MTUS2: variants seen among roughly 807,000 people sequenced by gnomAD.
MTUS2 encodes the protein microtubule-associated tumor suppressor candidate 2.
A neutral mutation model predicts 114.1 loss-of-function variants in MTUS2; 40 were observed. That is an observed-to-expected ratio of 0.35 (90% CI 0.27 to 0.46). MTUS2 has a LOEUF of 0.46. MTUS2 is among the 20% of genes least tolerant of loss of function. The pLI is 1.00. For missense variants in MTUS2, 1,679 were observed against 1,705.4 expected (o/e 0.98, Z 0.27); for synonymous variants, 688 against 672.0 (o/e 1.02, Z -0.37).
chr13:29,156,487 G>T (rs1892865136), intron 5 of MTUS2, among the ~76,000 whole-genome samples: 2 of 152,120 alleles, frequency 1.3e-5, no homozygotes, highest in South Asian at 4.1e-4. Context: ...AAGCAAAGAT[G>T]TCTGGAAAGA....
At chr13:29,363,312 A>G (rs1174135650) in intron 8 of MTUS2, among the ~76,000 whole-genome samples, 7 of 152,122 alleles carry the variant, frequency 4.6e-5, no homozygotes, top group Non-Finnish European at 1.0e-4. Context: ...TATTATACTT[A>G]TTCAGTATTT....
At chr13:29,179,437 G>A (rs1314458677) in intron 5 of MTUS2, among the ~76,000 whole-genome samples, 1 of 152,112 alleles carries the variant, frequency 6.6e-6, no homozygotes, top group Non-Finnish European at 1.5e-5. Flanking sequence ...GAGGTTTCGA[G>A]GACAATGCCA....
chr13:29,328,437 C>A (rs1426861606), intron 7 of MTUS2, among the ~76,000 whole-genome samples: 1 of 152,170 alleles, frequency 6.6e-6, no homozygotes, highest in Non-Finnish European at 1.5e-5. Flanking sequence ...AAGGCCAGAC[C>A]TCTCAAAGCA....
chr13:29,188,539 A>G (rs959351683), intron 5 of MTUS2, among the ~76,000 whole-genome samples: 10 of 152,186 alleles, frequency 6.6e-5, no homozygotes, highest in African/African-American at 2.4e-4. Flanking sequence ...GCAGAGTTTT[A>G]GCCATTTTGA....
chr13:29,012,977 G>C (rs997341650), intron 2 of MTUS2, among the ~76,000 whole-genome samples: 1 of 152,204 alleles, frequency 6.6e-6, no homozygotes, highest in Non-Finnish European at 1.5e-5. Context: ...AGTAGCCACT[G>C]CAGAAGGGAA....
chr13:29,166,138 C>G (rs1195672416), intron 5 of MTUS2, among the ~76,000 whole-genome samples: 2 of 152,142 alleles, frequency 1.3e-5, no homozygotes, highest in Non-Finnish European at 2.9e-5. Context: ...ACCACTCATT[C>G]TAAGTAGAAT....
intron 10 of MTUS2, among the ~76,000 whole-genome samples, chr13:29,486,858 A>C (rs1466553522): frequency 6.6e-6 from 1 of 152,218 alleles, no homozygotes; most frequent in Non-Finnish European, 1.5e-5. Flanking sequence ...ACACCGTTGT[A>C]GTGCATCCAG....
At chr13:28,882,051 A>G (rs2138141932) in intron 2 of MTUS2, among the ~76,000 whole-genome samples, 1 of 152,292 alleles carries the variant, frequency 6.6e-6, no homozygotes, top group South Asian at 2.1e-4. Context: ...CACCATGTGT[A>G]CAAAAATTAT....
At chr13:29,201,336 GTT>G (rs35381798) in intron 5 of MTUS2, among the ~76,000 whole-genome samples, 7 of 145,838 alleles carry the variant, frequency 4.8e-5, no homozygotes, top group African/African-American at 1.8e-4. Flanking sequence ...TGCAACCCCT[GTT>G]TTTTTTTTTC....
chr13:29,472,433 G>A (rs1342738260), intron 9 of MTUS2, among the ~76,000 whole-genome samples: 6 of 152,146 alleles, frequency 3.9e-5, no homozygotes, highest in Non-Finnish European at 8.8e-5. Flanking sequence ...TAGTGTGTCC[G>A]GGATCCCAGG....
intron 5 of MTUS2, among the ~76,000 whole-genome samples, chr13:29,169,031 T>C (rs1003063303): frequency 6.6e-6 from 1 of 152,168 alleles, no homozygotes. Flanking sequence ...ATGACTTTTC[T>C]TTTTAGGTTG....
intron 2 of MTUS2, among the ~76,000 whole-genome samples, chr13:28,855,827 T>C (rs1468621248): frequency 6.6e-6 from 1 of 152,226 alleles, no homozygotes; most frequent in East Asian, 1.9e-4. Flanking sequence ...TGTTTGGTTC[T>C]AGGTCTTTGA....
chr13:29,123,741 C>T (rs1197065043), intron 5 of MTUS2, among the ~76,000 whole-genome samples: 2 of 152,116 alleles, frequency 1.3e-5, no homozygotes, highest in East Asian at 1.9e-4. Context: ...CATACACACA[C>T]ACACTTGAAA....
intron 4 of MTUS2, among the ~76,000 whole-genome samples, chr13:29,083,785 A>C (rs768712513): frequency 3.0e-4 from 45 of 152,196 alleles, no homozygotes; most frequent in Non-Finnish European, 6.3e-4. Context: ...GGTATGGTCC[A>C]TGGGGTCTCA....
chr13:29,374,758 G>A (rs1383225300), intron 8 of MTUS2, among the ~76,000 whole-genome samples: 2 of 151,980 alleles, frequency 1.3e-5, no homozygotes, highest in African/African-American at 4.8e-5. Flanking sequence ...TTAGCCAGGT[G>A]TGGTGGCACA....
At chr13:29,000,836 T>G (rs1342407025) in intron 2 of MTUS2, among the ~76,000 whole-genome samples, 1 of 152,188 alleles carries the variant, frequency 6.6e-6, no homozygotes. Flanking sequence ...CATTGTCTTC[T>G]CTTTACTGCA....
Position 29,024,663 on chromosome 13 carries a change from G to C in MTUS2, c.-36G>C. ...AAGGCAGCCCATTTCCATTAAGTAGGACTGCATGGCAAGCAGCCCCACCAA... is the reference window on the plus strand; with the variant it reads ...AAGGCAGCCCATTTCCATTAAGTAGCACTGCATGGCAAGCAGCCCCACCAA... On this transcript the variant is annotated 5_prime_UTR_variant, in exon 3 of 16. Coordinates refer to ENST00000612955, the MANE Select transcript of MTUS2 (RefSeq NM_001033602.4). 1 of 1,603,900 alleles carries C rather than the reference G, an allele frequency of 6.2e-7. No individual in the cohort carries two copies. Among genetic ancestry groups the C allele is most frequent in the Non-Finnish European group, 8.5e-7 (1 of 1,175,388 alleles).
At chr13:29,343,040 A>T (rs949412846) in intron 7 of MTUS2, among the ~76,000 whole-genome samples, 9 of 151,892 alleles carry the variant, frequency 5.9e-5, no homozygotes, top group African/African-American at 2.2e-4. Context: ...CCTTTTTTAT[A>T]TGCTGTTGGA....
chr13:29,172,364 TG>T (rs1893600700), intron 5 of MTUS2, among the ~76,000 whole-genome samples: 1 of 152,208 alleles, frequency 6.6e-6, no homozygotes, highest in Admixed American at 6.5e-5. Context: ...TTTCGTTATT[TG>T]GGGTTTAGGT....
Sources: gnomAD v4.1 joint callset for allele counts (sites outside exome capture counted in the v4.1 genomes callset) on GRCh38, gnomAD v4.1.1 for gene constraint, MANE v1.5 for transcripts, NCBI Gene and HGNC (gene_info 2026-07-23, HGNC 2026-07-21) for gene names.